The following MAN1C1 variants were observed in gnomAD, a reference collection of about 807,000 sequenced individuals.
MAN1C1 encodes mannosidase alpha class 1C member 1.
Under a neutral mutation model 71.5 loss-of-function variants are expected in MAN1C1, and 49 were observed. The observed-to-expected ratio is 0.69, with a 90% CI of 0.54 to 0.87. The LOEUF (loss-of-function observed/expected upper bound fraction) is 0.87. MAN1C1 is among the 40% of genes least tolerant of loss of function. The probability of loss-of-function intolerance (pLI) is 0.00; values close to 1 mark genes in which losing one functional copy is unlikely to be tolerated. For synonymous variants in MAN1C1, 352 were observed against 343.7 expected (o/e 1.02, Z -0.27); for missense variants, 743 against 835.0 (o/e 0.89, Z 1.36).
intron 2 of MAN1C1, among the ~76,000 whole-genome samples, chr1:25,692,066 C>A (rs910609561): frequency 6.6e-6 from 1 of 152,176 alleles, no homozygotes; most frequent in Non-Finnish European, 1.5e-5. Context: ...GTTGAGGAAA[C>A]CAAGGCTCAG....
intron 1 of MAN1C1, among the ~76,000 whole-genome samples, chr1:25,684,917 A>G (rs1329999890): frequency 6.6e-6 from 1 of 152,244 alleles, no homozygotes; most frequent in Non-Finnish European, 1.5e-5. Context: ...CTGGTAGAAA[A>G]GCAGATTCTT....
chr1:25,659,450 C>G (rs2045815396), intron 1 of MAN1C1, among the ~76,000 whole-genome samples: 1 of 152,204 alleles, frequency 6.6e-6, no homozygotes, highest in Non-Finnish European at 1.5e-5. Flanking sequence ...CTCTTCCCTC[C>G]AGGAACTGAG....
At chr1:25,689,155 A>G (rs1212134996) in intron 2 of MAN1C1, among the ~76,000 whole-genome samples, 1 of 152,102 alleles carries the variant, frequency 6.6e-6, no homozygotes, top group Non-Finnish European at 1.5e-5. Context: ...GGATACAGGG[A>G]TAAATGGGAC....
At chr1:25,672,887 G>C (rs2124137006) in intron 1 of MAN1C1, among the ~76,000 whole-genome samples, 1 of 152,286 alleles carries the variant, frequency 6.6e-6, no homozygotes, top group South Asian at 2.1e-4. Context: ...CAGTGCCATG[G>C]GGCTGGCGGT....
intron 2 of MAN1C1, among the ~76,000 whole-genome samples, chr1:25,729,349 A>T (rs889571229): frequency 6.6e-6 from 1 of 152,242 alleles, no homozygotes; most frequent in Non-Finnish European, 1.5e-5. Context: ...CTTCCTGAGC[A>T]GAGTTAGCCA....
In MAN1C1 at chr1:25,656,095, C is replaced by CTTTTTTTTTTTTTTTTTTTTTTTT. The variant is rs59710145; in HGVS notation, c.541-30323_541-30322insTTTTTTTTTTTTTTTTTTTTTTTT. Reference sequence around the variant, plus strand: ...TATGTCTTAGGTTGGGATTATCAGTCTTTTTTTTTTTTTTTTTTTTTTGAG... The same window carrying CTTTTTTTTTTTTTTTTTTTTTTTT: ...TATGTCTTAGGTTGGGATTATCAGTCTTTTTTTTTTTTTTTTTTTTTTTTTTTTTTTTTTTTTTTTTTTTTTGAG... On this transcript the variant is annotated intron_variant, in intron 1 of 11. Coordinates refer to ENST00000374332, the MANE Select transcript of MAN1C1 (RefSeq NM_020379.4). Among the ~76,000 whole-genome samples, 7 of 74,978 alleles carry CTTTTTTTTTTTTTTTTTTTTTTTT rather than the reference C, an allele frequency of 9.3e-5. 2 individuals carry two copies. Among genetic ancestry groups the CTTTTTTTTTTTTTTTTTTTTTTTT allele is most frequent in the African/African-American group, 4.9e-4 (6 of 12,208 alleles). The allele number at this position is 74,978 out of a possible 152,430, so 49.2% of individuals were successfully genotyped here.
intron 1 of MAN1C1, among the ~76,000 whole-genome samples, chr1:25,635,189 A>C (rs2045438253): frequency 6.6e-6 from 1 of 152,112 alleles, no homozygotes; most frequent in African/African-American, 2.4e-5. Flanking sequence ...TTTCTGAAAG[A>C]GTCTGTGGGA....
At chr1:25,653,123 G>T (rs1440688484) in intron 1 of MAN1C1, among the ~76,000 whole-genome samples, 1 of 151,456 alleles carries the variant, frequency 6.6e-6, no homozygotes, top group Non-Finnish European at 1.5e-5. Context: ...TGTTTCCCAG[G>T]CTGCAGTGCA....
chr1:25,771,241 G>A (rs1250213029), intron 7 of MAN1C1, among the ~76,000 whole-genome samples: 1 of 152,186 alleles, frequency 6.6e-6, no homozygotes, highest in Non-Finnish European at 1.5e-5. Context: ...CCTCTTTCCC[G>A]TGGCCTTTTA....
intron 2 of MAN1C1, among the ~76,000 whole-genome samples, chr1:25,715,868 A>C (rs1187994982): frequency 1.3e-5 from 2 of 152,158 alleles, no homozygotes; most frequent in Admixed American, 1.3e-4. Context: ...CAAATAGTTT[A>C]TTTCTTTTTC....
intron 1 of MAN1C1, among the ~76,000 whole-genome samples, chr1:25,622,429 C>G (rs890415648): frequency 6.6e-6 from 1 of 152,208 alleles, no homozygotes; most frequent in South Asian, 2.1e-4. Flanking sequence ...AACTCACCTA[C>G]TTTAATGAAT....
Position 25,711,430 on chromosome 1 carries a change from G to A in MAN1C1, c.637+24894G>A, listed in dbSNP as rs1298389149. On this transcript the variant is annotated intron_variant, in intron 2 of 11. Transcript: ENST00000374332. The surrounding 1 kb of genome is among the most constrained non-coding windows in gnomAD (Gnocchi z 4.3). ...AGTCAAATCGCTCATGGATGGGTCAGTGTGGGAGAAAGAAGTTGAATTCTC... is the reference window on the plus strand; with the variant it reads ...AGTCAAATCGCTCATGGATGGGTCAATGTGGGAGAAAGAAGTTGAATTCTC... Among the ~76,000 whole-genome samples, 4 of 152,336 alleles carry A rather than the reference G, an allele frequency of 2.6e-5. No individual in the cohort carries two copies. The highest frequency in any genetic ancestry group is 3.4e-3 in the Middle Eastern group (1 of 294).
At chr1:25,635,747 C>T (rs1168279265) in intron 1 of MAN1C1, among the ~76,000 whole-genome samples, 1 of 152,140 alleles carries the variant, frequency 6.6e-6, no homozygotes, top group African/African-American at 2.4e-5. Context: ...CTATACCCCA[C>T]CTCATTTTCT....
In MAN1C1 at chr1:25,763,961, G is replaced by GT. The variant is rs1160713792; in HGVS notation, c.1136dup (p.Gln380AlafsTer15). 1 of 1,613,508 alleles carries GT rather than the reference G, an allele frequency of 6.2e-7. No homozygotes were observed. Among genetic ancestry groups the GT allele is most frequent in the African/African-American group, 1.3e-5 (1 of 75,038 alleles). On this transcript the variant is annotated frameshift_variant, in exon 7 of 12. Coordinates refer to ENST00000374332, the MANE Select transcript of MAN1C1 (RefSeq NM_020379.4). LOFTEE classifies it high-confidence loss of function. Reference sequence around the variant, plus strand: ...CCTCAGCCCAGTGAGTGGGAACTGGGTGCAACGTGAGTACAGAGACGCCAC... The same window carrying GT: ...CCTCAGCCCAGTGAGTGGGAACTGGGTTGCAACGTGAGTACAGAGACGCCAC...
chr1:25,679,423 G>A (rs1191620203), intron 1 of MAN1C1, among the ~76,000 whole-genome samples: 1 of 152,132 alleles, frequency 6.6e-6, no homozygotes, highest in African/African-American at 2.4e-5. Context: ...AGGAACTGGG[G>A]GCTAAGAAGA....
chr1:25,704,695 T>G (rs1260625577), intron 2 of MAN1C1, among the ~76,000 whole-genome samples: 2 of 152,232 alleles, frequency 1.3e-5, no homozygotes, highest in Non-Finnish European at 2.9e-5. Context: ...TTAAAATGTC[T>G]CTCCTTACAG....
intron 2 of MAN1C1, among the ~76,000 whole-genome samples, chr1:25,699,315 A>G (rs1557770654): frequency 6.6e-6 from 1 of 151,908 alleles, no homozygotes; most frequent in African/African-American, 2.4e-5. Context: ...TAAAAAAAAA[A>G]AAAAAAGAAG....
intron 7 of MAN1C1, among the ~76,000 whole-genome samples, chr1:25,765,523 C>T (rs1158632927): frequency 6.6e-6 from 1 of 152,194 alleles, no homozygotes; most frequent in East Asian, 1.9e-4. Flanking sequence ...AGTCTAATGA[C>T]TGTGTGGCTT....
chr1:25,777,368 C>T (rs889858448), intron 8 of MAN1C1, among the ~76,000 whole-genome samples: 3 of 152,094 alleles, frequency 2.0e-5, no homozygotes, highest in South Asian at 4.1e-4. Context: ...GCAGTCTGAC[C>T]CCCTCACGCC....
Sources: allele counts gnomAD v4.1 joint callset (sites outside exome capture counted in the v4.1 genomes callset), GRCh38; gene constraint gnomAD v4.1.1; non-coding constraint Gnocchi (gnomAD v3.1); transcripts MANE v1.5; gene names NCBI Gene and HGNC (gene_info 2026-07-23, HGNC 2026-07-21).